Variants in TXNDC16 observed in about 807,000 individuals in gnomAD.
TXNDC16 encodes the protein thioredoxin domain-containing protein 16.
Under a neutral mutation model 85.6 loss-of-function variants are expected in TXNDC16, and 74 were observed. That is an observed-to-expected ratio of 0.86 (90% CI 0.72 to 1.05). The LOEUF (loss-of-function observed/expected upper bound fraction) is 1.05, where lower values mean the gene tolerates loss of function less well. Among genes scored for constraint, TXNDC16 ranks in the 50% least tolerant of loss-of-function variants. The pLI, the probability that TXNDC16 is intolerant of heterozygous loss-of-function variation, is 0.00. For synonymous variants in TXNDC16, 335 were observed against 326.5 expected (o/e 1.03, Z -0.28); for missense variants, 959 against 947.0 (o/e 1.01, Z -0.17).
chr14:52,516,368 G>C (rs898023527), intron 7 of TXNDC16, among the ~76,000 whole-genome samples: 2 of 152,104 alleles, frequency 1.3e-5, no homozygotes, highest in Non-Finnish European at 2.9e-5. Context: ...CAGAATTCTA[G>C]GTTCTAGTCA....
chr14:52,532,368 C>A (rs755310622), intron 6 of TXNDC16, among the ~76,000 whole-genome samples: 1 of 151,980 alleles, frequency 6.6e-6, no homozygotes, highest in Non-Finnish European at 1.5e-5. Context: ...TACAGCAAGA[C>A]CCCATCTCAA....
In TXNDC16 at chr14:52,490,825, G is replaced by T. The variant is rs375256150; in HGVS notation, c.923+14C>A. 1.6e-5 allele frequency: 26 copies of T among 1,596,338 alleles called. No homozygotes were observed. The East Asian group carries it at 2.5e-4, about 15-fold the overall frequency. ...GTTTTGCTAAATATAGTAAATATTC[G>T]ATGTTTAAGATACCTTAACAAGAGT... On this transcript the variant is annotated intron_variant, in intron 10 of 20. Transcript: ENST00000281741.
chr14:52,466,977 TAG>T (rs1198361609), intron 16 of TXNDC16, among the ~76,000 whole-genome samples: 1 of 151,694 alleles, frequency 6.6e-6, no homozygotes, highest in African/African-American at 2.4e-5. Context: ...GTTCACCTAG[TAG>T]AGTCAATAGA....
chr14:52,506,465 G>A (rs1038739994), intron 9 of TXNDC16, among the ~76,000 whole-genome samples: 5 of 140,714 alleles, frequency 3.6e-5, no homozygotes, highest in East Asian at 2.3e-4. Flanking sequence ...CAGAACCAAC[G>A]ACCAAAACCA....
intron 13 of TXNDC16, 139 bp from the exon 14 acceptor site, chr14:52,482,428 C>T (rs1336015160): frequency 2.8e-6 from 2 of 719,094 alleles, no homozygotes; most frequent in African/African-American, 3.6e-5. Context: ...CATTTCTCAA[C>T]ATAGTCCAAC....
chr14:52,522,554 C>A (rs1031447875), intron 6 of TXNDC16, among the ~76,000 whole-genome samples: 1 of 152,170 alleles, frequency 6.6e-6, no homozygotes, highest in East Asian at 1.9e-4. Flanking sequence ...CAAGAAGCAG[C>A]GGCAGTAACA....
At chr14:52,469,905 G>T in intron 16 of TXNDC16, 132 bp downstream of exon 16, 2 of 861,176 alleles carry the variant, frequency 2.3e-6, no homozygotes, top group South Asian at 2.4e-5. Context: ...ATTAGCTTAC[G>T]ATATTTTATT....
intron 12 of TXNDC16, among the ~76,000 whole-genome samples, chr14:52,486,089 T>C (rs1016410797): frequency 1.3e-5 from 2 of 152,084 alleles, no homozygotes; most frequent in Non-Finnish European, 2.9e-5. Context: ...ACCTATTTTC[T>C]TATTTACTGT....
At chr14:52,503,463 G>C (rs928658942) in intron 9 of TXNDC16, among the ~76,000 whole-genome samples, 2 of 152,286 alleles carry the variant, frequency 1.3e-5, no homozygotes, top group East Asian at 1.9e-4. Context: ...AGGCAAACAG[G>C]GTCTGGAGTG....
intron 9 of TXNDC16, among the ~76,000 whole-genome samples, chr14:52,494,555 G>A (rs764387388): frequency 6.6e-6 from 1 of 151,958 alleles, no homozygotes; most frequent in South Asian, 2.1e-4. Flanking sequence ...TTTTCCTTGT[G>A]TATTAGGAGA....
In TXNDC16 at chr14:52,432,079, G is replaced by T; in HGVS notation, c.*225C>A. 2.8e-6 allele frequency: 1 copy of T among 360,378 alleles called. No homozygotes were observed. Among genetic ancestry groups the T allele is most frequent in the East Asian group, 4.4e-5 (1 of 22,530 alleles). 22.3% of individuals were successfully genotyped at this position (360,378 alleles called of 1,614,324 possible). A position where few individuals can be genotyped will look rare whatever the true frequency, so the allele number is the denominator to read the frequency against. ...AATAATTTCTATATTTCGCTATTTT[G>T]GGTATACTACTGGGTGAAAAGTAAT... On this transcript the variant is annotated 3_prime_UTR_variant, in exon 21 of 21. Transcript: ENST00000281741.
At chr14:52,480,975 G>GTATATATATATATATATATATATATATA (rs141877325) in intron 14 of TXNDC16, among the ~76,000 whole-genome samples, 1 of 134,998 alleles carries the variant, frequency 7.4e-6, no homozygotes, top group African/African-American at 2.8e-5. Flanking sequence ...ATATATATAT[G>GTATATATATATATATATATATATATATA]TATATATATA....
At chr14:52,551,208 TC>T (rs1211569654) in intron 1 of TXNDC16, among the ~76,000 whole-genome samples, 1 of 151,546 alleles carries the variant, frequency 6.6e-6, no homozygotes, top group Admixed American at 6.6e-5. Context: ...ACTTTAAAGT[TC>T]CCTGTGGAAT....
intron 6 of TXNDC16, among the ~76,000 whole-genome samples, chr14:52,521,086 C>A (rs2037198412): frequency 6.6e-6 from 1 of 150,976 alleles, no homozygotes. Context: ...TTTATAAAAC[C>A]AAAGGAAAAC....
At chr14:52,491,148 C>A in intron 9 of TXNDC16, 143 bp from the exon 10 acceptor site, 4 of 989,156 alleles carry the variant, frequency 4.0e-6, no homozygotes, top group Non-Finnish European at 5.7e-6. Context: ...TCTCTTAATT[C>A]CCTGAATTTA....
intron 4 of TXNDC16, among the ~76,000 whole-genome samples, chr14:52,541,197 T>C (rs1054004766): frequency 2.6e-5 from 4 of 151,382 alleles, no homozygotes; most frequent in South Asian, 2.1e-4. Context: ...GATTGTCCCA[T>C]TGCACTCCAG....
chr14:52,463,731 T>C (rs1420474003), intron 16 of TXNDC16, among the ~76,000 whole-genome samples: 1 of 152,214 alleles, frequency 6.6e-6, no homozygotes, highest in Middle Eastern at 3.2e-3. Flanking sequence ...AAACCTTTAG[T>C]CTGAACTTAA....
chr14:52,542,944 G>A (rs1233761690), intron 3 of TXNDC16, among the ~76,000 whole-genome samples: 3 of 152,102 alleles, frequency 2.0e-5, no homozygotes, highest in Non-Finnish European at 2.9e-5. Flanking sequence ...ATGCTCAATA[G>A]TTATATTAGT....
At chr14:52,549,082 T>C (rs1298994377) in intron 1 of TXNDC16, among the ~76,000 whole-genome samples, 1 of 152,152 alleles carries the variant, frequency 6.6e-6, no homozygotes, top group East Asian at 1.9e-4. Flanking sequence ...GGAAAAGTAA[T>C]AGGTAAATGT....
Sources: allele counts gnomAD v4.1 joint callset (sites outside exome capture counted in the v4.1 genomes callset), GRCh38; gene constraint gnomAD v4.1.1; transcripts MANE v1.5; gene names NCBI Gene and HGNC (gene_info 2026-07-23, HGNC 2026-07-21).